ST3GAL1: variants seen among roughly 807,000 people sequenced by gnomAD.
The protein encoded by ST3GAL1 is ST3 beta-galactoside alpha-2,3-sialyltransferase 1.
In ST3GAL1, 16 loss-of-function variants were observed where a neutral mutation model predicts 34.1. The observed-to-expected ratio is 0.47, with a 90% CI of 0.32 to 0.71. ST3GAL1 has a LOEUF of 0.71. Among genes scored for constraint, ST3GAL1 ranks in the 30% least tolerant of loss-of-function variants. The pLI is 0.04. For missense variants in ST3GAL1, 353 were observed against 447.4 expected, an observed-to-expected ratio of 0.79 and a Z score of 1.90; for synonymous variants, 191 against 184.7, an observed-to-expected ratio of 1.03 and a Z score of -0.28.
rs575875811 is a variant in ST3GAL1 at position 133,556,505 on chromosome 8, C to G, written c.-581-10579G>C. On this transcript the variant is annotated intron_variant, in intron 1 of 9. Transcript: ENST00000522652. This position sits in a 1 kb window ranked among gnomAD's most constrained non-coding sequence, Gnocchi z 8.9. Reference sequence around the variant, plus strand: ...GTTCTGTCCGCTCAGAGTCACGTTCCTTTCTCAGATCTGGGAGGAATTGTG... The same window carrying G: ...GTTCTGTCCGCTCAGAGTCACGTTCGTTTCTCAGATCTGGGAGGAATTGTG... Among the ~76,000 whole-genome samples, 4 of 152,320 alleles carry G rather than the reference C, an allele frequency of 2.6e-5. No homozygotes were observed. In the South Asian group the frequency reaches 8.3e-4, roughly 32 times the overall value.
intron 1 of ST3GAL1, among the ~76,000 whole-genome samples, chr8:133,546,199 A>C (rs1385918335): frequency 6.6e-6 from 1 of 152,190 alleles, no homozygotes; most frequent in Non-Finnish European, 1.5e-5. Context: ...ATTCAGGACA[A>C]TGTAATACAG....
intron 6 of ST3GAL1, 119 bp from the exon 7 acceptor site, chr8:133,465,076 G>C (rs987906988): frequency 1.0e-6 from 1 of 977,224 alleles, no homozygotes; most frequent in Non-Finnish European, 1.5e-6. Context: ...TGCCTTCCCC[G>C]GGCCTCCTTC....
chr8:133,503,432 G>A (rs142975328), intron 2 of ST3GAL1, among the ~76,000 whole-genome samples: 3 of 152,230 alleles, frequency 2.0e-5, no homozygotes, highest in East Asian at 1.9e-4. Context: ...TTCAGTGCCT[G>A]TAACAATTAG....
chr8:133,535,710 A>G (rs1818291941), intron 2 of ST3GAL1, among the ~76,000 whole-genome samples: 1 of 151,998 alleles, frequency 6.6e-6, no homozygotes, highest in South Asian at 2.1e-4. Context: ...GCTGGTTTGG[A>G]ACTCCTGGCC....
intron 3 of ST3GAL1, among the ~76,000 whole-genome samples, chr8:133,480,350 G>A (rs1005058700): frequency 2.0e-5 from 3 of 152,244 alleles, no homozygotes; most frequent in African/African-American, 7.2e-5. Flanking sequence ...ACCAGAGACT[G>A]AGAGAACTGT....
intron 6 of ST3GAL1, among the ~76,000 whole-genome samples, chr8:133,465,474 G>A (rs1815697629): frequency 6.6e-6 from 1 of 152,134 alleles, no homozygotes; most frequent in African/African-American, 2.4e-5. Flanking sequence ...GACAGACTTG[G>A]GGCATCTTCC....
chr8:133,483,272 G>A (rs1462836351), intron 3 of ST3GAL1, among the ~76,000 whole-genome samples: 1 of 152,146 alleles, frequency 6.6e-6, no homozygotes, highest in Non-Finnish European at 1.5e-5. Context: ...AACCTGGGAG[G>A]TGGAGGTTGC....
At chr8:133,549,912 A>G (rs1227337006) in intron 1 of ST3GAL1, among the ~76,000 whole-genome samples, 1 of 152,202 alleles carries the variant, frequency 6.6e-6, no homozygotes, top group Non-Finnish European at 1.5e-5. Context: ...TGGTGAGCCA[A>G]GATCGTACCA....
At chr8:133,494,149 A>G (rs1487001663) in intron 3 of ST3GAL1, among the ~76,000 whole-genome samples, 1 of 152,244 alleles carries the variant, frequency 6.6e-6, no homozygotes, top group Non-Finnish European at 1.5e-5. Context: ...GAATAAGCAC[A>G]GGGTCTTCAG....
intron 5 of ST3GAL1, among the ~76,000 whole-genome samples, chr8:133,472,022 G>A (rs1253559122): frequency 6.6e-6 from 1 of 152,012 alleles, no homozygotes; most frequent in Non-Finnish European, 1.5e-5. Flanking sequence ...TTGGACATGG[G>A]GACTGGGGAA....
intron 2 of ST3GAL1, among the ~76,000 whole-genome samples, chr8:133,506,079 C>A (rs1817326737): frequency 6.6e-6 from 1 of 152,202 alleles, no homozygotes; most frequent in Non-Finnish European, 1.5e-5. Flanking sequence ...ATGTGGCTAG[C>A]AGCTACTGAC....
intron 3 of ST3GAL1, among the ~76,000 whole-genome samples, chr8:133,478,992 T>C (rs1256944246): frequency 1.3e-5 from 2 of 152,066 alleles, no homozygotes; most frequent in African/African-American, 4.8e-5. Flanking sequence ...AGACTCTGAG[T>C]CACATTTCCA....
chr8:133,562,900 T>G (rs1819289078), intron 1 of ST3GAL1, among the ~76,000 whole-genome samples: 1 of 147,866 alleles, frequency 6.8e-6, no homozygotes, highest in Admixed American at 6.9e-5. Flanking sequence ...AAAAGGTAAA[T>G]GTCCAATTAG....
intron 3 of ST3GAL1, among the ~76,000 whole-genome samples, chr8:133,483,836 G>A (rs72718293): frequency 0.043 from 6,492 of 152,232 alleles, 174 homozygotes; most frequent in Middle Eastern, 0.071. Context: ...TAGAGAGTCA[G>A]GCCCACCTGA....
intron 3 of ST3GAL1, among the ~76,000 whole-genome samples, chr8:133,493,412 C>A (rs1816842345): frequency 6.6e-6 from 1 of 152,178 alleles, no homozygotes; most frequent in South Asian, 2.1e-4. Context: ...TGAATTCCAG[C>A]TGTAATGCTT....
chr8:133,539,383 A>T (rs1204694931), intron 2 of ST3GAL1, among the ~76,000 whole-genome samples: 1 of 152,196 alleles, frequency 6.6e-6, no homozygotes, highest in East Asian at 1.9e-4. Flanking sequence ...ACTGCAGCTC[A>T]CAAAGCGGGC....
At chr8:133,524,125 G>A (rs763653376) in intron 2 of ST3GAL1, among the ~76,000 whole-genome samples, 2 of 152,136 alleles carry the variant, frequency 1.3e-5, no homozygotes. Context: ...CTGCTCAATT[G>A]CTCCTATACC....
At chr8:133,554,105 G>T (rs1818938263) in intron 1 of ST3GAL1, among the ~76,000 whole-genome samples, 1 of 152,188 alleles carries the variant, frequency 6.6e-6, no homozygotes, top group African/African-American at 2.4e-5. Flanking sequence ...GAGGATTTCT[G>T]TCTTTAGGGA....
chr8:133,556,148 G>A lies in ST3GAL1; in HGVS notation c.-581-10222C>T, dbSNP rs1399409832. ...TGAGCTCAGGCAATCCACCCATCTC[G>A]GCCTCCCAAAGTGCTAGGATTGCAG... On this transcript the variant is annotated intron_variant, in intron 1 of 9. Coordinates refer to ENST00000522652, the MANE Select transcript of ST3GAL1 (RefSeq NM_173344.3). The surrounding 1 kb of genome is among the most constrained non-coding windows in gnomAD (Gnocchi z 8.9). Among the ~76,000 whole-genome samples the A allele has an allele frequency of 2.6e-5, 4 of 152,022 alleles. No homozygotes were observed. The highest frequency in any genetic ancestry group is 2.1e-4 in the South Asian group (1 of 4,824).
Sources: allele counts gnomAD v4.1 joint callset (sites outside exome capture counted in the v4.1 genomes callset), GRCh38; gene constraint gnomAD v4.1.1; non-coding constraint Gnocchi (gnomAD v3.1); transcripts MANE v1.5; gene names NCBI Gene and HGNC (gene_info 2026-07-23, HGNC 2026-07-21).